Variants in ADAMTS6 observed in about 807,000 individuals in gnomAD.
ADAMTS6 encodes the protein A disintegrin and metalloproteinase with thrombospondin motifs 6.
Under a neutral mutation model 144.3 loss-of-function variants are expected in ADAMTS6, and 23 were observed. The ratio of observed to expected loss-of-function variants is 0.16; its 90% confidence interval spans 0.11 to 0.23. ADAMTS6 has a LOEUF of 0.23. Ranked by LOEUF, ADAMTS6 falls within the 10% of genes least tolerant of loss-of-function variation. The probability of loss-of-function intolerance (pLI) is 1.00; values close to 1 mark genes in which losing one functional copy is unlikely to be tolerated. For synonymous variants in ADAMTS6, 444 were observed against 457.5 expected (o/e 0.97, Z 0.38); for missense variants, 999 against 1,379.6 (o/e 0.72, Z 4.37).
chr5:65,173,899 T>C (rs959160454), intron 22 of ADAMTS6, among the ~76,000 whole-genome samples: 16 of 152,080 alleles, frequency 1.1e-4, no homozygotes, highest in African/African-American at 3.9e-4. Context: ...GGTGTGTGTC[T>C]GTAGCCCCAG....
chr5:65,242,453 T>C (rs1049669875), intron 14 of ADAMTS6, among the ~76,000 whole-genome samples: 6 of 152,232 alleles, frequency 3.9e-5, no homozygotes, highest in African/African-American at 1.2e-4. Context: ...AAATTTACAG[T>C]TGGATACATG....
chr5:65,252,606 AT>A (rs1283168637), intron 14 of ADAMTS6, among the ~76,000 whole-genome samples: 1 of 150,996 alleles, frequency 6.6e-6, no homozygotes, highest in East Asian at 1.9e-4. Flanking sequence ...CTTCTAATTT[AT>A]TATATTTTTT....
chr5:65,183,582 G>A (rs1454615857), intron 22 of ADAMTS6, among the ~76,000 whole-genome samples: 3 of 151,772 alleles, frequency 2.0e-5, no homozygotes, highest in East Asian at 3.9e-4. Context: ...TGGATAAGGG[G>A]GGACTACTAT....
intron 24 of ADAMTS6, among the ~76,000 whole-genome samples, chr5:65,157,401 G>A (rs1752492238): frequency 1.3e-5 from 2 of 152,190 alleles, no homozygotes; most frequent in Non-Finnish European, 2.9e-5. Flanking sequence ...TTTGGTCCAA[G>A]AAATACAAGA....
chr5:65,407,085 G>T (rs1437009385), intron 7 of ADAMTS6, among the ~76,000 whole-genome samples: 7 of 152,040 alleles, frequency 4.6e-5, no homozygotes, highest in Admixed American at 3.9e-4. Context: ...AGGAGAACCA[G>T]CCCAACCTAG....
At chr5:65,352,226 C>A (rs1748919366) in intron 7 of ADAMTS6, among the ~76,000 whole-genome samples, 1 of 143,934 alleles carries the variant, frequency 6.9e-6, no homozygotes, top group South Asian at 2.2e-4. Context: ...AAATGATAAC[C>A]AAAAGAAGAA....
intron 7 of ADAMTS6, among the ~76,000 whole-genome samples, chr5:65,407,528 C>G (rs1754649438): frequency 1.4e-5 from 2 of 141,332 alleles, no homozygotes; most frequent in African/African-American, 5.4e-5. Context: ...GTGATGTTCC[C>G]CTTCCTGTGT....
At position 65,224,952 on chromosome 5, in the gene ADAMTS6, C is replaced by A. The variant is rs147626238; in HGVS notation, c.2163G>T (p.Gly721=). The change falls in exon 17 of 25, where the codon GGG becomes GGT. Residue 721 remains glycine (G), a synonymous_variant. Coordinates refer to ENST00000381055, the MANE Select transcript of ADAMTS6 (RefSeq NM_197941.4). ...CCCTGGGCAGTGAATCATTGAAGAACCCTTCAATGGCATCACATGTGCTTC... is the reference window on the plus strand; with the variant it reads ...CCCTGGGCAGTGAATCATTGAAGAAACCTTCAATGGCATCACATGTGCTTC... ...GDGSTCDAIE[G]FFNDSLPRGG... is the part of the protein sequence containing the mutation. The A allele has an allele frequency of 6.2e-7, 1 of 1,613,824 alleles. No individual in the cohort carries two copies. The highest frequency in any genetic ancestry group is 8.5e-7 in the Non-Finnish European group (1 of 1,179,872).
intron 15 of ADAMTS6, among the ~76,000 whole-genome samples, chr5:65,233,711 G>A (rs189504967): frequency 6.6e-6 from 1 of 152,142 alleles, no homozygotes; most frequent in Admixed American, 6.5e-5. Flanking sequence ...TTCCCAAAGT[G>A]ATCCATGGAT....
At chr5:65,320,672 A>C (rs1745529693) in intron 9 of ADAMTS6, among the ~76,000 whole-genome samples, 1 of 152,018 alleles carries the variant, frequency 6.6e-6, no homozygotes, top group African/African-American at 2.4e-5. Context: ...CCAGGTTTAA[A>C]AAGCCTAGTA....
intron 7 of ADAMTS6, among the ~76,000 whole-genome samples, chr5:65,378,619 C>T (rs7727731): frequency 0.17 from 25,900 of 152,044 alleles, 3,235 homozygotes; most frequent in African/African-American, 0.35. Context: ...ATTTTCATCC[C>T]CCTAAAGAAG....
intron 7 of ADAMTS6, among the ~76,000 whole-genome samples, chr5:65,337,927 A>C (rs1162042051): frequency 6.6e-6 from 1 of 152,202 alleles, no homozygotes; most frequent in Admixed American, 6.5e-5. Context: ...AATTGAAGAA[A>C]GAAGAGATTG....
chr5:65,390,437 A>C (rs1336278801), intron 7 of ADAMTS6, among the ~76,000 whole-genome samples: 1 of 152,248 alleles, frequency 6.6e-6, no homozygotes, highest in Non-Finnish European at 1.5e-5. Context: ...ATCTAATTAC[A>C]AAGCTTCAGG....
chr5:65,212,635 T>C (rs1442808519), intron 20 of ADAMTS6, among the ~76,000 whole-genome samples: 1 of 152,086 alleles, frequency 6.6e-6, no homozygotes, highest in Non-Finnish European at 1.5e-5. Context: ...TCTGAACAAA[T>C]AGAATCATAG....
At chr5:65,339,520 T>C (rs1747623209) in intron 7 of ADAMTS6, among the ~76,000 whole-genome samples, 1 of 138,740 alleles carries the variant, frequency 7.2e-6, no homozygotes, top group Non-Finnish European at 1.6e-5. Context: ...AACCAAATCA[T>C]AAGGAAATAT....
intron 11 of ADAMTS6, among the ~76,000 whole-genome samples, chr5:65,277,970 C>T (rs1310602172): frequency 1.3e-5 from 2 of 151,748 alleles, no homozygotes; most frequent in African/African-American, 4.8e-5. Context: ...ATGTAGTTTA[C>T]CTCTAGACCC....
At chr5:65,224,491 C>A in intron 17 of ADAMTS6, 91 bp from the exon 18 acceptor site, 1 of 1,111,948 alleles carries the variant, frequency 9.0e-7, no homozygotes, top group Non-Finnish European at 1.4e-6. Flanking sequence ...CCTTATTATT[C>A]CATTCTCTCT....
chr5:65,311,226 C>T (rs1052064140), intron 9 of ADAMTS6, among the ~76,000 whole-genome samples: 2 of 151,888 alleles, frequency 1.3e-5, no homozygotes, highest in African/African-American at 4.8e-5. Flanking sequence ...TACATACCTC[C>T]CTTAATGGTG....
chr5:65,293,154 T>C (rs1235776469), intron 10 of ADAMTS6, among the ~76,000 whole-genome samples: 1 of 152,082 alleles, frequency 6.6e-6, no homozygotes, highest in Non-Finnish European at 1.5e-5. Context: ...CCATTTTGAT[T>C]AGGATATTGG....
Sources: allele counts gnomAD v4.1 joint callset (sites outside exome capture counted in the v4.1 genomes callset), GRCh38; gene constraint gnomAD v4.1.1; transcripts MANE v1.5; gene names NCBI Gene and HGNC (gene_info 2026-07-23, HGNC 2026-07-21).